The following BANK1 variants were observed in gnomAD, a reference collection of about 807,000 sequenced individuals.
BANK1 encodes B-cell scaffold protein with ankyrin repeats.
BANK1 carries 95 observed loss-of-function variants against 94.5 expected under a neutral mutation model. That is an observed-to-expected ratio of 1.00 (90% confidence interval 0.85 to 1.19). The LOEUF (loss-of-function observed/expected upper bound fraction) is 1.19. Among genes scored for constraint, BANK1 ranks in the 50% most tolerant of loss-of-function variants. The probability of loss-of-function intolerance (pLI) is 0.00; values close to 1 mark genes in which losing one functional copy is unlikely to be tolerated. For synonymous variants in BANK1, 334 were observed against 308.4 expected, an observed-to-expected ratio of 1.08 and a Z score of -0.87; for missense variants, 987 against 932.2, an observed-to-expected ratio of 1.06 and a Z score of -0.77.
intron 1 of BANK1, among the ~76,000 whole-genome samples, chr4:101,795,709 T>A (rs1725132226): frequency 6.6e-6 from 1 of 152,204 alleles, no homozygotes. Context: ...TGGGATAATT[T>A]CTTTAATTCT....
chr4:101,852,470 CTATATATATATATA>C (rs541955636), intron 2 of BANK1, among the ~76,000 whole-genome samples: 8 of 103,794 alleles, frequency 7.7e-5, no homozygotes, highest in Non-Finnish European at 1.3e-4. Flanking sequence ...TATTTTTCGG[CTATATATATATATA>C]TATATATATA....
At chr4:101,837,632 T>A (rs1440429720) in intron 2 of BANK1, among the ~76,000 whole-genome samples, 1 of 152,196 alleles carries the variant, frequency 6.6e-6, no homozygotes, top group Non-Finnish European at 1.5e-5. Context: ...TATTAATCAA[T>A]TTATCTTTTT....
At chr4:102,011,909 C>T (rs1016279607) in intron 7 of BANK1, among the ~76,000 whole-genome samples, 1 of 152,090 alleles carries the variant, frequency 6.6e-6, no homozygotes, top group Non-Finnish European at 1.5e-5. Flanking sequence ...TGCTGATAAA[C>T]TCATCGAAGT....
At chr4:102,004,358 T>C (rs867930652) in intron 7 of BANK1, among the ~76,000 whole-genome samples, 1 of 152,202 alleles carries the variant, frequency 6.6e-6, no homozygotes, top group Non-Finnish European at 1.5e-5. Flanking sequence ...GTTCATGACA[T>C]TCTCTTCCAT....
rs76962749 is a variant in BANK1 at position 101,927,322 on chromosome 4, C to T, written c.1206+9133C>T. Among the ~76,000 whole-genome samples the T allele has an allele frequency of 8.3e-3, 1,254 of 151,742 alleles. 8 individuals carry two copies. Among genetic ancestry groups the T allele is most frequent in the Non-Finnish European group, 0.014 (961 of 67,728 alleles). On this transcript the variant is annotated intron_variant, in intron 7 of 16. Coordinates refer to ENST00000322953, the MANE Select transcript of BANK1 (RefSeq NM_017935.5). ...GGGGAAAACTGCCTCATGATCTGAT[C>T]ACCTCCCACCTGGTCCCACCCTGGA...
chr4:101,822,284 C>G (rs536679269), intron 1 of BANK1, among the ~76,000 whole-genome samples: 1 of 151,648 alleles, frequency 6.6e-6, no homozygotes, highest in African/African-American at 2.4e-5. Flanking sequence ...ATGGGACGAT[C>G]GCTTAAGCCT....
At chr4:102,070,769 G>T (rs1194245959) in intron 13 of BANK1, among the ~76,000 whole-genome samples, 2 of 152,172 alleles carry the variant, frequency 1.3e-5, no homozygotes, top group Non-Finnish European at 2.9e-5. Flanking sequence ...CAGATCGGGG[G>T]TGCCATGAGT....
At chr4:101,845,736 T>C (rs1727218318) in intron 2 of BANK1, among the ~76,000 whole-genome samples, 1 of 152,228 alleles carries the variant, frequency 6.6e-6, no homozygotes, top group Non-Finnish European at 1.5e-5. Flanking sequence ...AAATTGTCAT[T>C]TCTATGTAAA....
Position 102,015,815 on chromosome 4 carries a change from T to G in BANK1, c.1207-5699T>G, listed in dbSNP as rs17031862. Among the ~76,000 whole-genome samples the G allele has an allele frequency of 5.5e-3, 843 of 152,296 alleles. 19 individuals carry two copies. In the East Asian group the frequency reaches 0.065, roughly 12 times the overall value. On this transcript the variant is annotated intron_variant, in intron 7 of 16. Transcript: ENST00000322953. Reference sequence around the variant, plus strand: ...CCACTAATCCTCATTACCCTTTGCTTTGACTATCAATATAGCCCTTCTCCC... The same window carrying G: ...CCACTAATCCTCATTACCCTTTGCTGTGACTATCAATATAGCCCTTCTCCC...
At chr4:101,820,021 CTA>C (rs1726080023) in intron 1 of BANK1, among the ~76,000 whole-genome samples, 1 of 152,190 alleles carries the variant, frequency 6.6e-6, no homozygotes, top group Admixed American at 6.5e-5. Context: ...GACTCCTGCT[CTA>C]TGTCATAGCA....
At chr4:101,985,759 A>G (rs896760561) in intron 7 of BANK1, among the ~76,000 whole-genome samples, 1 of 152,134 alleles carries the variant, frequency 6.6e-6, no homozygotes, top group Non-Finnish European at 1.5e-5. Flanking sequence ...TAAAAAAAAT[A>G]AAAATCTACA....
intron 3 of BANK1, among the ~76,000 whole-genome samples, chr4:101,860,358 A>G (rs569078694): frequency 1.2e-4 from 18 of 152,106 alleles, no homozygotes; most frequent in Non-Finnish European, 2.2e-4. Flanking sequence ...TGGGGTGGTC[A>G]GTGTGTTTGT....
intron 7 of BANK1, among the ~76,000 whole-genome samples, chr4:101,971,887 G>T (rs1217042770): frequency 6.6e-6 from 1 of 152,016 alleles, no homozygotes; most frequent in African/African-American, 2.4e-5. Context: ...AATTACCACA[G>T]ATTTGTAGTA....
chr4:102,016,236 A>G (rs1427618950), intron 7 of BANK1, among the ~76,000 whole-genome samples: 1 of 152,194 alleles, frequency 6.6e-6, no homozygotes, highest in Non-Finnish European at 1.5e-5. Flanking sequence ...TTTTAAATGT[A>G]TGTTTCATTT....
chr4:101,972,771 T>G (rs953018959), intron 7 of BANK1: 1 of 152,108 alleles, frequency 6.6e-6, no homozygotes, highest in African/African-American at 2.4e-5. Context: ...GAACTTAACC[T>G]TATAACAAAT....
At chr4:101,920,677 C>G (rs1220077725) in intron 7 of BANK1, among the ~76,000 whole-genome samples, 1 of 151,894 alleles carries the variant, frequency 6.6e-6, no homozygotes, top group Admixed American at 6.6e-5. Context: ...TTTTTAAATT[C>G]CAACATATTT....
At chr4:102,044,050 C>T (rs1380974387) in intron 11 of BANK1, 143 bp downstream of exon 11, 1 of 490,798 alleles carries the variant, frequency 2.0e-6, no homozygotes, top group Non-Finnish European at 3.6e-6. Flanking sequence ...TATTATTATA[C>T]TTTAAGTTTT....
chr4:101,862,546 A>T lies in BANK1; in HGVS notation c.645A>T (p.Ile215=). The T allele has an allele frequency of 6.2e-7, 1 of 1,604,410 alleles. No individual in the cohort carries two copies. The highest frequency in any genetic ancestry group is 2.2e-5 in the East Asian group (1 of 44,548). ...TACAGAATCCTGGTGAAATATTCAT[A>T]ATTTTGAGAGATGAAGTAATTGGTG... ...IPCENPGEIF[I]ILRDEVIGDT... Residue 215 remains isoleucine, a synonymous_variant, in exon 4 of 17, where the codon ATA becomes ATT. Transcript: ENST00000322953.
Position 101,938,871 on chromosome 4 carries a change from G to A in BANK1, c.1206+20682G>A, listed in dbSNP as rs572910140. Among the ~76,000 whole-genome samples, 65 of 151,680 alleles carry A rather than the reference G, an allele frequency of 4.3e-4. 1 individual carries two copies. Among genetic ancestry groups the A allele is most frequent in the Middle Eastern group, 6.8e-3 (2 of 294 alleles). On this transcript the variant is annotated intron_variant, in intron 7 of 16. Transcript: ENST00000322953. ...CCCAAAATACTTTAAACTACATTCA[G>A]TCAACTCTCATCTCTCCCTATCTCA...
Sources: gnomAD v4.1 joint callset for allele counts (sites outside exome capture counted in the v4.1 genomes callset) on GRCh38, gnomAD v4.1.1 for gene constraint, MANE v1.5 for transcripts, NCBI Gene and HGNC (gene_info 2026-07-23, HGNC 2026-07-21) for gene names.